The following RAD54B variants were observed in gnomAD, a reference collection of about 807,000 sequenced individuals.
RAD54B encodes the protein RAD54 homolog B, also known as DNA repair and recombination protein RAD54B.
In RAD54B, 78 loss-of-function variants were observed where a neutral mutation model predicts 95.8. The observed-to-expected ratio is 0.81, with a 90% CI of 0.68 to 0.98. The LOEUF is 0.98. Among genes scored for constraint, RAD54B ranks in the 50% least tolerant of loss-of-function variants. The pLI is 0.00. For missense variants in RAD54B, 957 were observed against 1,056.6 expected, an observed-to-expected ratio of 0.91 and a Z score of 1.31; for synonymous variants, 328 against 354.9, an observed-to-expected ratio of 0.92 and a Z score of 0.85.
At chr8:94,438,306 T>A (rs541047244) in intron 3 of RAD54B, among the ~76,000 whole-genome samples, 4 of 152,360 alleles carry the variant, frequency 2.6e-5, no homozygotes, top group Non-Finnish European at 5.9e-5. Flanking sequence ...TTGCTGGATG[T>A]TCTACGGAAT....
intron 3 of RAD54B, among the ~76,000 whole-genome samples, chr8:94,413,373 G>C (rs542100499): frequency 1.3e-5 from 2 of 152,256 alleles, no homozygotes; most frequent in African/African-American, 4.8e-5. Flanking sequence ...CATTGGAAGA[G>C]AAGCAAGAAA....
At chr8:94,423,314 C>T (rs1177190668) in intron 3 of RAD54B, among the ~76,000 whole-genome samples, 1 of 152,102 alleles carries the variant, frequency 6.6e-6, no homozygotes, top group African/African-American at 2.4e-5. Flanking sequence ...ACCCAGAAGG[C>T]GGAGTTGCAG....
intron 4 of RAD54B, among the ~76,000 whole-genome samples, chr8:94,410,013 A>G (rs773214685): frequency 8.5e-5 from 13 of 152,222 alleles, no homozygotes; most frequent in Non-Finnish European, 1.9e-4. Flanking sequence ...TTTATAATAA[A>G]TAAAACATTC....
At chr8:94,428,460 C>T (rs1178096180) in intron 3 of RAD54B, 2 of 316,574 alleles carry the variant, frequency 6.3e-6, no homozygotes, top group African/African-American at 4.5e-5. Context: ...TATTCACATA[C>T]AATTTACACA....
At chr8:94,375,440 C>T (rs1039747158) in intron 14 of RAD54B, among the ~76,000 whole-genome samples, 3 of 152,110 alleles carry the variant, frequency 2.0e-5, no homozygotes, top group African/African-American at 7.2e-5. Flanking sequence ...ATGGGAATTG[C>T]CCTGCACAAG....
intron 14 of RAD54B, among the ~76,000 whole-genome samples, chr8:94,377,435 C>G (rs543759828): frequency 1.5e-4 from 23 of 150,752 alleles, no homozygotes; most frequent in Admixed American, 1.3e-3. Flanking sequence ...ACTCAGGAGG[C>G]TGAAGCTGGA....
intron 3 of RAD54B, among the ~76,000 whole-genome samples, chr8:94,417,577 T>G (rs1408055918): frequency 2.0e-5 from 3 of 151,944 alleles, no homozygotes; most frequent in African/African-American, 7.3e-5. Context: ...ACAGTACAAC[T>G]AGTTTGGAAA....
intron 3 of RAD54B, chr8:94,429,076 T>A: frequency 1.0e-6 from 1 of 985,326 alleles, no homozygotes; most frequent in Non-Finnish European, 1.2e-6. Context: ...AAGACTGACT[T>A]GGAGAAAAAC....
At chr8:94,470,723 A>G (rs1017413882) in intron 1 of RAD54B, among the ~76,000 whole-genome samples, 1 of 151,992 alleles carries the variant, frequency 6.6e-6, no homozygotes, top group Non-Finnish European at 1.5e-5. Flanking sequence ...GCACCACTGC[A>G]CTCCAGCCTG....
intron 3 of RAD54B, chr8:94,436,524 G>A (rs1282443200): frequency 6.5e-7 from 1 of 1,549,594 alleles, no homozygotes; most frequent in Admixed American, 2.0e-5. Flanking sequence ...CTCTTACCAG[G>A]CAAAAACTGG....
intron 14 of RAD54B, among the ~76,000 whole-genome samples, chr8:94,375,740 T>C (rs1456091355): frequency 1.3e-5 from 2 of 151,806 alleles, no homozygotes; most frequent in Non-Finnish European, 2.9e-5. Context: ...CGCTACTGAG[T>C]GAAAAAGGTA....
At chr8:94,461,565 A>T (rs1812906112) in intron 2 of RAD54B, among the ~76,000 whole-genome samples, 1 of 152,198 alleles carries the variant, frequency 6.6e-6, no homozygotes, top group East Asian at 1.9e-4. Context: ...CTGATCAGAT[A>T]TTAAAGTAAG....
At position 94,380,189 on chromosome 8, in the gene RAD54B, A is replaced by C; in HGVS notation, c.2203T>G (p.Leu735Val). Reference protein sequence around the residue: ...VGLNLIGGSHLILYDIDWNPA... With the variant: ...VGLNLIGGSHVILYDIDWNPA... ...TTCCAATCAATGTCATAGAGAATTA[A>C]GTGAGATCCTCCAATGAGGTTAAGT... The change falls in exon 12 of 15, where the codon TTA becomes GTA. Residue 735 changes from leucine to valine, a missense_variant. Coordinates refer to ENST00000336148, the MANE Select transcript of RAD54B (RefSeq NM_012415.3). 1 of 1,613,264 alleles carries C rather than the reference A, an allele frequency of 6.2e-7. No individual in the cohort carries two copies.
intron 13 of RAD54B, 41 bp from the exon 14 acceptor site, chr8:94,378,421 T>C: frequency 6.4e-7 from 1 of 1,562,506 alleles, no homozygotes; most frequent in Non-Finnish European, 8.7e-7. Flanking sequence ...CAGATCTTTA[T>C]GTTCATTATT....
intron 3 of RAD54B, among the ~76,000 whole-genome samples, chr8:94,445,911 T>C (rs1850304737): frequency 6.6e-6 from 1 of 152,212 alleles, no homozygotes; most frequent in African/African-American, 2.4e-5. Context: ...AACTCTTTTT[T>C]AAAATTAATG....
chr8:94,425,684 A>C (rs184316597), intron 3 of RAD54B, among the ~76,000 whole-genome samples: 43 of 152,328 alleles, frequency 2.8e-4, no homozygotes, highest in Non-Finnish European at 4.6e-4. Context: ...TAAGTATAAA[A>C]TAAACCTAGA....
chr8:94,431,054 T>TA (rs1005828999), intron 3 of RAD54B: 1 of 985,300 alleles, frequency 1.0e-6, no homozygotes, highest in Non-Finnish European at 1.2e-6. Context: ...CAACTTGGCT[T>TA]AAAAATCCCT....
At chr8:94,463,192 A>G (rs1812946237) in intron 2 of RAD54B, among the ~76,000 whole-genome samples, 2 of 151,514 alleles carry the variant, frequency 1.3e-5, no homozygotes, top group South Asian at 4.2e-4. Context: ...AAATAAATAA[A>G]TAAATAAATA....
chr8:94,444,385 T>C (rs1159762750), intron 3 of RAD54B, among the ~76,000 whole-genome samples: 2 of 149,928 alleles, frequency 1.3e-5, no homozygotes, highest in Admixed American at 1.3e-4. Context: ...TGCATAAGGA[T>C]GTTCACTGCA....
Sources: gnomAD v4.1 joint callset for allele counts (sites outside exome capture counted in the v4.1 genomes callset) on GRCh38, gnomAD v4.1.1 for gene constraint, MANE v1.5 for transcripts, NCBI Gene and HGNC (gene_info 2026-07-23, HGNC 2026-07-21) for gene names.